MYCBP2: variants seen among roughly 807,000 people sequenced by gnomAD.
The protein encoded by MYCBP2 is MYC binding protein 2.
In MYCBP2, 120 loss-of-function variants were observed where a neutral mutation model predicts 525.3. The ratio of observed to expected loss-of-function variants is 0.23; its 90% CI spans 0.20 to 0.27. MYCBP2 has a LOEUF of 0.27. Ranked by LOEUF, MYCBP2 falls within the 10% of genes least tolerant of loss-of-function variation. MYCBP2 has a pLI of 1.00. For missense variants in MYCBP2, 4,149 were observed against 5,657.1 expected (o/e 0.73, Z 8.55); for synonymous variants, 1,894 against 1,955.8 (o/e 0.97, Z 0.83).
At chr13:77,052,549 T>C (rs1401405138) in intron 80 of MYCBP2, among the ~76,000 whole-genome samples, 5 of 152,216 alleles carry the variant, frequency 3.3e-5, no homozygotes, top group African/African-American at 4.8e-5. Context: ...GGCAGTTACA[T>C]TGTCCTGTCA....
intron 52 of MYCBP2, 120 bp downstream of exon 52, chr13:77,139,076 T>C (rs1231489822): frequency 8.8e-7 from 1 of 1,137,112 alleles, no homozygotes; most frequent in Non-Finnish European, 1.2e-6. Context: ...TTCAAGAAAT[T>C]GTAAAGTAAA....
chr13:77,052,093 G>A (rs189052101), intron 80 of MYCBP2, among the ~76,000 whole-genome samples, 175 bp from the exon 81 acceptor site: 26 of 152,240 alleles, frequency 1.7e-4, no homozygotes, highest in African/African-American at 6.3e-4. Context: ...TGTATGTAGG[G>A]TGGATCAGGG....
intron 37 of MYCBP2, among the ~76,000 whole-genome samples, chr13:77,173,193 A>C (rs1295369243): frequency 1.3e-5 from 2 of 152,236 alleles, no homozygotes; most frequent in Non-Finnish European, 2.9e-5. Flanking sequence ...TCATTTATAA[A>C]AAATGTAAAG....
At chr13:77,199,812 C>T (rs2062249638) in intron 26 of MYCBP2, among the ~76,000 whole-genome samples, 1 of 152,192 alleles carries the variant, frequency 6.6e-6, no homozygotes, top group African/African-American at 2.4e-5. Context: ...GGTACTCCAA[C>T]AGACCTGCAG....
chr13:77,198,208 T>C (rs1294356049), intron 26 of MYCBP2, among the ~76,000 whole-genome samples: 1 of 152,258 alleles, frequency 6.6e-6, no homozygotes, highest in Non-Finnish European at 1.5e-5. Flanking sequence ...TATCAAAATA[T>C]ATGTGCTACA....
chr13:77,059,722 G>C (rs1207672551), intron 76 of MYCBP2, 96 bp from the exon 77 acceptor site: 1 of 778,776 alleles, frequency 1.3e-6, no homozygotes, highest in African/African-American at 1.7e-5. Flanking sequence ...GTTTGTATAA[G>C]TTGCTATCCT....
chr13:77,196,787 C>T (rs1360647601), intron 26 of MYCBP2, among the ~76,000 whole-genome samples: 4 of 152,158 alleles, frequency 2.6e-5, no homozygotes, highest in Admixed American at 6.5e-5. Flanking sequence ...CAGAGAGTCA[C>T]GTGGAGACAC....
At chr13:77,307,425 G>T (rs1594812383) in intron 1 of MYCBP2, among the ~76,000 whole-genome samples, 1 of 150,838 alleles carries the variant, frequency 6.6e-6, no homozygotes, top group Middle Eastern at 3.4e-3. Context: ...GAAAAAAATG[G>T]TCCTGGCCTG....
chr13:77,281,608 T>A (rs2076194846), intron 3 of MYCBP2, among the ~76,000 whole-genome samples: 1 of 152,146 alleles, frequency 6.6e-6, no homozygotes, highest in Non-Finnish European at 1.5e-5. Flanking sequence ...CTATCATATT[T>A]GAAAGATAAA....
chr13:77,224,151 C>T (rs1183170508), intron 20 of MYCBP2, among the ~76,000 whole-genome samples: 3 of 152,138 alleles, frequency 2.0e-5, no homozygotes, highest in African/African-American at 7.2e-5. Context: ...CATGCACAGC[C>T]TTTAAAAAGA....
At chr13:77,090,911 TAA>T (rs1046880021) in intron 59 of MYCBP2, among the ~76,000 whole-genome samples, 4 of 152,208 alleles carry the variant, frequency 2.6e-5, no homozygotes, top group African/African-American at 9.6e-5. Context: ...ACAAAGTTAT[TAA>T]GAGAGCTATA....
chr13:77,295,107 G>T (rs73223446), intron 2 of MYCBP2, among the ~76,000 whole-genome samples: 3,395 of 152,136 alleles, frequency 0.022, 58 homozygotes, highest in Middle Eastern at 0.075. Flanking sequence ...GCAGAAGCAA[G>T]AGCTGAAAAT....
At chr13:77,157,056 A>T (rs982271167) in intron 45 of MYCBP2, among the ~76,000 whole-genome samples, 22 of 152,292 alleles carry the variant, frequency 1.4e-4, no homozygotes, top group African/African-American at 4.8e-4. Context: ...AACAAAAATA[A>T]TCAATTAACA....
At chr13:77,255,490 T>C (rs1220249435) in intron 14 of MYCBP2, among the ~76,000 whole-genome samples, 1 of 151,950 alleles carries the variant, frequency 6.6e-6, no homozygotes, top group Non-Finnish European at 1.5e-5. Flanking sequence ...GAAACAATGT[T>C]GTTTAGTTCA....
At chr13:77,218,968 G>A (rs2065183886) in intron 20 of MYCBP2, among the ~76,000 whole-genome samples, 1 of 152,152 alleles carries the variant, frequency 6.6e-6, no homozygotes, top group Admixed American at 6.6e-5. Flanking sequence ...GCTATGTAAG[G>A]AACAGAATTG....
intron 5 of MYCBP2, among the ~76,000 whole-genome samples, chr13:77,272,171 T>C (rs1403541647): frequency 1.3e-5 from 2 of 152,244 alleles, no homozygotes; most frequent in Non-Finnish European, 1.5e-5. Context: ...CTCTATGCTA[T>C]AGCTATACTA....
Position 77,185,126 on chromosome 13 carries a change from C to T in MYCBP2, c.4696G>A (p.Asp1566Asn). The T allele has an allele frequency of 3.7e-6, 6 of 1,614,004 alleles. No homozygotes were observed. The highest frequency in any genetic ancestry group is 5.1e-6 in the Non-Finnish European group (6 of 1,179,946). ...ACCTGATCCAAACAATTCAGCAGAT[C>T]ACAAAGGCAAGCCCACTGTAAGGCA... ...TPALQWACLC[D>N]LLNCLDQDIQ... The change falls in exon 32 of 83, where the codon GAT becomes AAT. Residue 1566 changes from aspartate (D) to asparagine (N), a missense_variant. Physicochemically the swap from Asp to Asn is conservative, Grantham distance 23. This residue lies in a region of MYCBP2 where 292 missense variants were observed against 330.5 expected (regional missense o/e 0.88). Transcript: ENST00000544440.
Position 77,206,787 on chromosome 13 carries a change from G to C in MYCBP2, c.3455C>G (p.Ala1152Gly), listed in dbSNP as rs143420440. The C allele has an allele frequency of 1.9e-5, 31 of 1,610,570 alleles. No individual in the cohort carries two copies. Among genetic ancestry groups the C allele is most frequent in the Non-Finnish European group, 2.6e-5 (31 of 1,177,884 alleles). Residue 1152 changes from alanine (A) to glycine (G), a missense_variant, in exon 24 of 83, where the codon GCG becomes GGG. By Grantham distance (60) the Ala-to-Gly change is moderately conservative. Around this residue, in one of 21 missense-constraint regions of MYCBP2, gnomAD observed 620 missense variants for 795.5 expected, o/e 0.78. Transcript: ENST00000544440. Reference protein sequence around the residue: ...PNTRELWCYNAVVADARLPSA... With the variant: ...PNTRELWCYNGVVADARLPSA... Reference sequence around the variant, plus strand: ...GGGAAGCCTGGCATCAGCAACCACCGCATTGTAACACCACAGCTCTCTAGT... The same window carrying C: ...GGGAAGCCTGGCATCAGCAACCACCCCATTGTAACACCACAGCTCTCTAGT...
At chr13:77,303,248 G>A (rs980248628) in intron 1 of MYCBP2, among the ~76,000 whole-genome samples, 6 of 152,190 alleles carry the variant, frequency 3.9e-5, no homozygotes, top group African/African-American at 1.4e-4. Flanking sequence ...CAGGAGAATC[G>A]CTTGAACCCG....
Sources: allele counts gnomAD v4.1 joint callset (sites outside exome capture counted in the v4.1 genomes callset), GRCh38; gene constraint gnomAD v4.1.1; regional missense constraint gnomAD v4.1.1; transcripts MANE v1.5; gene names NCBI Gene and HGNC (gene_info 2026-07-23, HGNC 2026-07-21).